The following CALN1 variants were observed in gnomAD, a reference collection of about 807,000 sequenced individuals.
The protein encoded by CALN1 is calneuron 1.
In CALN1, 17 loss-of-function variants were observed where a neutral mutation model predicts 30.6. The observed-to-expected ratio is 0.56, with a 90% CI of 0.38 to 0.83. The LOEUF is 0.83. Ranked by LOEUF, CALN1 falls within the 40% of genes least tolerant of loss-of-function variation. CALN1 has a pLI of 0.00. For synonymous variants in CALN1, 156 were observed against 131.4 expected, an observed-to-expected ratio of 1.19 and a Z score of -1.28; for missense variants, 291 against 354.9, an observed-to-expected ratio of 0.82 and a Z score of 1.45.
chr7:71,962,491 G>A (rs1033848310), intron 5 of CALN1, among the ~76,000 whole-genome samples: 5 of 152,162 alleles, frequency 3.3e-5, no homozygotes, highest in Admixed American at 1.3e-4. Context: ...CAAAAGCCAT[G>A]CCATATTTGA....
intron 2 of CALN1, among the ~76,000 whole-genome samples, chr7:72,283,076 C>T (rs1315967892): frequency 6.7e-6 from 1 of 149,024 alleles, no homozygotes; most frequent in Non-Finnish European, 1.5e-5. Flanking sequence ...AAAAAAGAAT[C>T]AGCACTTTCT....
At chr7:72,377,991 G>A (rs1482887174) in intron 2 of CALN1, among the ~76,000 whole-genome samples, 1 of 150,686 alleles carries the variant, frequency 6.6e-6, no homozygotes, top group East Asian at 1.9e-4. Flanking sequence ...TTCCCCCAAA[G>A]CATTTTATTT....
intron 4 of CALN1, among the ~76,000 whole-genome samples, chr7:72,057,700 T>C (rs113388584): frequency 0.017 from 2,559 of 150,480 alleles, 41 homozygotes; most frequent in Non-Finnish European, 0.027. Context: ...TTTACAATAA[T>C]GAGTGTAGAA....
At chr7:72,451,845 T>TCA (rs1554410385), upstream of CALN1, among the ~76,000 whole-genome samples, 623 of 150,124 alleles carry the variant, frequency 4.1e-3, 4 homozygotes, top group African/African-American at 0.015. Context: ...TGTGGTGAAT[T>TCA]AAAAAAAAAA....
intron 4 of CALN1, among the ~76,000 whole-genome samples, chr7:72,055,393 A>G (rs376992685): frequency 6.6e-6 from 1 of 152,206 alleles, no homozygotes; most frequent in African/African-American, 2.4e-5. Context: ...AGAAATTAAA[A>G]CTTAGAAAAG....
chr7:72,130,773 G>C (rs987088523), intron 3 of CALN1, among the ~76,000 whole-genome samples: 3 of 152,160 alleles, frequency 2.0e-5, no homozygotes, highest in African/African-American at 4.8e-5. Context: ...ATTTGTGATT[G>C]TAAAAGTACA....
At chr7:71,791,492 C>G (rs1793383397) in intron 6 of CALN1, among the ~76,000 whole-genome samples, 1 of 152,068 alleles carries the variant, frequency 6.6e-6, no homozygotes, top group African/African-American at 2.4e-5. Flanking sequence ...CAAGTGGGAG[C>G]TGAATGATCA....
rs369860003 is a variant in CALN1, at chr7:71,957,511, A to T, written c.501+66146T>A. On this transcript the variant is annotated intron_variant, in intron 5 of 6. Transcript: ENST00000395275. ...TCTCAAACCTTGACACTCTTTCTCT[A>T]CCCCATTACGATCTGTCGCCTGTAC... Among the ~76,000 whole-genome samples, 19 of 152,268 alleles carry T rather than the reference A, an allele frequency of 1.2e-4. No homozygotes were observed. In the South Asian group the frequency reaches 3.7e-3, roughly 30 times the overall value.
In CALN1 at chr7:71,831,394, C is replaced by T. The variant is rs375205169; in HGVS notation, c.502-20902G>A. On this transcript the variant is annotated intron_variant, in intron 5 of 6. Transcript: ENST00000395275. ...ACTCAGGAGGCTGAGGTAGGAGAAT[C>T]GCTTGAACCCAGGAGGCAGATGTTG... Among the ~76,000 whole-genome samples, 12 of 152,060 alleles carry T rather than the reference C, an allele frequency of 7.9e-5. No individual in the cohort carries two copies. In the East Asian group the frequency reaches 9.7e-4, roughly 12 times the overall value.
At chr7:72,361,775 G>A (rs1182591070) in intron 2 of CALN1, among the ~76,000 whole-genome samples, 1 of 152,122 alleles carries the variant, frequency 6.6e-6, no homozygotes, top group Non-Finnish European at 1.5e-5. Flanking sequence ...TCAGAGCAAA[G>A]GTTCAATAGA....
At chr7:72,191,791 T>TC (rs1035069546) in intron 3 of CALN1, among the ~76,000 whole-genome samples, 1 of 152,116 alleles carries the variant, frequency 6.6e-6, no homozygotes, top group Non-Finnish European at 1.5e-5. Context: ...GAAATGGGTT[T>TC]CATTATCTGG....
chr7:72,290,740 A>G (rs1161654507), intron 2 of CALN1, among the ~76,000 whole-genome samples: 1 of 151,962 alleles, frequency 6.6e-6, no homozygotes, highest in African/African-American at 2.4e-5. Context: ...TTATTTGCAA[A>G]TTTGTACTTT....
intron 5 of CALN1, among the ~76,000 whole-genome samples, chr7:71,916,194 T>C (rs1293573022): frequency 3.0e-5 from 4 of 135,026 alleles, no homozygotes; most frequent in African/African-American, 1.3e-4. Flanking sequence ...AGGATAGTAG[T>C]ATAAGAAAGA....
Position 72,025,797 on chromosome 7 carries a change from G to A in CALN1, c.389-2028C>T, listed in dbSNP as rs183474684. On this transcript the variant is annotated intron_variant, in intron 4 of 6. Coordinates refer to ENST00000395275, the MANE Select transcript of CALN1 (RefSeq NM_031468.4). ...ACATAAATCAATGCCCTCTCAGAGT[G>A]CATTCACCTTCAAAGAATATTCATT... Among the ~76,000 whole-genome samples, 312 of 152,254 alleles carry A rather than the reference G, an allele frequency of 2.0e-3. 1 individual carries two copies. Among genetic ancestry groups the A allele is most frequent in the African/African-American group, 7.1e-3 (295 of 41,568 alleles).
intron 5 of CALN1, among the ~76,000 whole-genome samples, chr7:71,832,596 C>A (rs1789354521): frequency 6.6e-6 from 1 of 151,950 alleles, no homozygotes. Context: ...AACACAGCTC[C>A]TAAGTGTTTC....
At chr7:71,901,997 G>A (rs973759501) in intron 5 of CALN1, among the ~76,000 whole-genome samples, 3 of 152,138 alleles carry the variant, frequency 2.0e-5, no homozygotes, top group Non-Finnish European at 4.4e-5. Context: ...TGAAGAATGG[G>A]AGAAAATATC....
intron 2 of CALN1, among the ~76,000 whole-genome samples, chr7:72,347,027 C>G (rs956948899): frequency 3.3e-5 from 5 of 151,788 alleles, no homozygotes; most frequent in Non-Finnish European, 5.9e-5. Flanking sequence ...TAGAGCACAG[C>G]GAATTGTCAA....
chr7:71,948,483 A>C (rs952011318), intron 5 of CALN1, among the ~76,000 whole-genome samples: 11 of 152,060 alleles, frequency 7.2e-5, no homozygotes, highest in African/African-American at 2.2e-4. Flanking sequence ...TAATCCCAGC[A>C]CTTTGGGAGG....
intron 2 of CALN1, among the ~76,000 whole-genome samples, chr7:72,340,118 C>T (rs1465642072): frequency 1.3e-5 from 2 of 152,202 alleles, no homozygotes; most frequent in South Asian, 2.1e-4. Flanking sequence ...TAAATTTCTT[C>T]CTGAAGGGTC....
Sources: gnomAD v4.1 joint callset for allele counts (sites outside exome capture counted in the v4.1 genomes callset) on GRCh38, gnomAD v4.1.1 for gene constraint, MANE v1.5 for transcripts, NCBI Gene and HGNC (gene_info 2026-07-23, HGNC 2026-07-21) for gene names.